The following WWP2 variants were observed in gnomAD, a reference collection of about 807,000 sequenced individuals.
WWP2 encodes WW domain containing E3 ubiquitin protein ligase 2.
Under a neutral mutation model 121.0 loss-of-function variants are expected in WWP2, and 57 were observed. That is an observed-to-expected ratio of 0.47 (90% CI 0.38 to 0.59). The LOEUF (loss-of-function observed/expected upper bound fraction) is 0.59. WWP2 is among the 20% of genes least tolerant of loss of function. The pLI, the probability that WWP2 is intolerant of heterozygous loss-of-function variation, is 0.00. For synonymous variants in WWP2, 449 were observed against 441.3 expected (o/e 1.02, Z -0.22); for missense variants, 962 against 1,158.9 (o/e 0.83, Z 2.47).
At chr16:69,835,495 T>C (rs140593726) in intron 4 of WWP2, among the ~76,000 whole-genome samples, 3 of 152,356 alleles carry the variant, frequency 2.0e-5, no homozygotes, top group Non-Finnish European at 4.4e-5. Context: ...TGTTTAATTA[T>C]GAAATTTGCA....
chr16:69,766,995 C>T (rs2038744979), intron 1 of WWP2, among the ~76,000 whole-genome samples: 1 of 150,398 alleles, frequency 6.6e-6, no homozygotes, highest in East Asian at 1.9e-4. Flanking sequence ...CTCAAGTGAT[C>T]TGCCTGCCTC....
At chr16:69,846,052 A>AAAAAAAAAAAAAAAAAAAAC (rs2057071303) in intron 6 of WWP2, among the ~76,000 whole-genome samples, 1 of 144,454 alleles carries the variant, frequency 6.9e-6, no homozygotes, top group Non-Finnish European at 1.5e-5. Context: ...TCCATCTCAA[A>AAAAAAAAAAAAAAAAAAAAC]AAAAAAAAAA....
intron 1 of WWP2, among the ~76,000 whole-genome samples, chr16:69,767,297 A>G (rs1203132347): frequency 6.6e-6 from 1 of 152,134 alleles, no homozygotes; most frequent in African/African-American, 2.4e-5. Context: ...GCATCCCACC[A>G]TTTTATACAT....
At position 69,767,113 on chromosome 16, in the gene WWP2, T is replaced by G. The variant is rs369830448; in HGVS notation, c.-16+4722T>G. ...TTCTTAATGAGGCTACTCTTCCAAC[T>G]GTGCATCTTTATAGCACCCCTGAAA... On this transcript the variant is annotated intron_variant, in intron 1 of 23. Coordinates refer to ENST00000359154, the MANE Select transcript of WWP2 (RefSeq NM_001270454.2). Among the ~76,000 whole-genome samples the G allele has an allele frequency of 2.6e-5, 4 of 151,944 alleles. No individual in the cohort carries two copies. The East Asian group carries it at 5.8e-4, about 22-fold the overall frequency.
At position 69,852,642 on chromosome 16, in the gene WWP2, C is replaced by G. The variant is rs926855289; in HGVS notation, c.575+10522C>G. On this transcript the variant is annotated intron_variant, in intron 6 of 23. Coordinates refer to ENST00000359154, the MANE Select transcript of WWP2 (RefSeq NM_001270454.2). ...TATCTTCTTTGGCAGGGTGTCTGTT[C>G]AGGTCCTTTGCCCATTTTAAAAATC... 3.3e-5 allele frequency among the ~76,000 whole-genome samples: 5 copies of G among 150,800 alleles called. No individual in the cohort carries two copies. The South Asian group carries it at 8.5e-4, about 26-fold the overall frequency.
At chr16:69,775,564 G>C (rs373245634) in intron 1 of WWP2, among the ~76,000 whole-genome samples, 3 of 152,098 alleles carry the variant, frequency 2.0e-5, no homozygotes, top group African/African-American at 7.2e-5. Flanking sequence ...TGTGTTGTCT[G>C]CTGTTTCCAT....
chr16:69,910,427 T>A (rs2058361901), intron 9 of WWP2: 1 of 906,252 alleles, frequency 1.1e-6, no homozygotes, highest in Non-Finnish European at 1.3e-6. Flanking sequence ...TTTTTTTTTT[T>A]AGACGGAGTC....
At chr16:69,908,228 G>A (rs1033998333) in intron 8 of WWP2, among the ~76,000 whole-genome samples, 3 of 152,182 alleles carry the variant, frequency 2.0e-5, no homozygotes, top group Non-Finnish European at 2.9e-5. Flanking sequence ...CTGGGCAACA[G>A]AGTGAGACCC....
At chr16:69,843,112 G>A (rs1171409769) in intron 6 of WWP2, among the ~76,000 whole-genome samples, 2 of 152,008 alleles carry the variant, frequency 1.3e-5, no homozygotes, top group African/African-American at 2.4e-5. Context: ...TTTTTTGTAT[G>A]TCCGGGGCTG....
chr16:69,767,140 C>G (rs993382711), intron 1 of WWP2, among the ~76,000 whole-genome samples: 17 of 151,732 alleles, frequency 1.1e-4, no homozygotes, highest in African/African-American at 4.1e-4. Flanking sequence ...CCCCTGAAAT[C>G]AATTTGAGTG....
At chr16:69,909,818 A>C in intron 9 of WWP2, 3 of 564,378 alleles carry the variant, frequency 5.3e-6, no homozygotes, top group Non-Finnish European at 6.7e-6. Flanking sequence ...AATGTTACAA[A>C]CCCCCACATA....
At chr16:69,876,585 A>G (rs1408725906) in intron 7 of WWP2, among the ~76,000 whole-genome samples, 2 of 152,014 alleles carry the variant, frequency 1.3e-5, no homozygotes, top group Non-Finnish European at 2.9e-5. Flanking sequence ...GCTGGTCTCA[A>G]ACTCCTGACC....
chr16:69,855,034 T>C (rs1380211522), intron 6 of WWP2, among the ~76,000 whole-genome samples: 1 of 151,856 alleles, frequency 6.6e-6, no homozygotes, highest in African/African-American at 2.4e-5. Flanking sequence ...TTTTAAAATT[T>C]TTTGTAGAGA....
intron 6 of WWP2, among the ~76,000 whole-genome samples, chr16:69,863,483 A>G (rs1216305838): frequency 6.6e-6 from 1 of 152,088 alleles, no homozygotes; most frequent in Non-Finnish European, 1.5e-5. Flanking sequence ...TACTAAAAAC[A>G]CAAAAATTAG....
chr16:69,777,544 A>G (rs1396552542), intron 1 of WWP2, among the ~76,000 whole-genome samples: 1 of 151,102 alleles, frequency 6.6e-6, no homozygotes, highest in African/African-American at 2.4e-5. Context: ...CAAGCAATTC[A>G]CCCACCTCAG....
chr16:69,799,856 C>T lies in WWP2; in HGVS notation c.340+561C>T, dbSNP rs1456642946. 6.6e-6 allele frequency among the ~76,000 whole-genome samples: 1 copy of T among 152,156 alleles called. No homozygotes were observed. The highest frequency in any genetic ancestry group is 2.4e-5 in the African/African-American group (1 of 41,430). ...AGCCAACGTGCCTCTACGTCACGGA[C>T]ATATAAATCCTCATCTATTTATTGC... On this transcript the variant is annotated intron_variant, in intron 4 of 23. Coordinates refer to ENST00000359154, the MANE Select transcript of WWP2 (RefSeq NM_001270454.2). The surrounding 1 kb of genome is among the most constrained non-coding windows in gnomAD (Gnocchi z 4.5).
At chr16:69,856,087 C>T (rs144332207) in intron 6 of WWP2, among the ~76,000 whole-genome samples, 49 of 152,182 alleles carry the variant, frequency 3.2e-4, no homozygotes, top group African/African-American at 1.1e-3. Context: ...GCCTGGGCAG[C>T]ATAACAAGAC....
intron 4 of WWP2, among the ~76,000 whole-genome samples, chr16:69,835,149 C>T (rs550349777): frequency 5.4e-4 from 82 of 152,278 alleles, no homozygotes; most frequent in African/African-American, 1.9e-3. Flanking sequence ...TGAGCAATGC[C>T]TCCAAAGGCA....
chr16:69,816,346 C>T (rs1187616692), intron 4 of WWP2, among the ~76,000 whole-genome samples: 1 of 151,226 alleles, frequency 6.6e-6, no homozygotes, highest in Admixed American at 6.6e-5. Flanking sequence ...ACTTTGGAGA[C>T]TGAGGTGAGA....
Sources: gnomAD v4.1 joint callset for allele counts (sites outside exome capture counted in the v4.1 genomes callset) on GRCh38, gnomAD v4.1.1 for gene constraint, Gnocchi (gnomAD v3.1) non-coding constraint, MANE v1.5 for transcripts, NCBI Gene and HGNC (gene_info 2026-07-23, HGNC 2026-07-21) for gene names.